RALGPS1: variants seen among roughly 807,000 people sequenced by gnomAD.
RALGPS1 encodes Ral GEF with PH domain and SH3 binding motif 1, also known as ras-specific guanine nucleotide-releasing factor RalGPS1.
A neutral mutation model predicts 78.8 loss-of-function variants in RALGPS1; 19 were observed. That is an observed-to-expected ratio of 0.24 (90% CI 0.17 to 0.35). The LOEUF is 0.35. Ranked by LOEUF, RALGPS1 falls within the 10% of genes least tolerant of loss-of-function variation. The pLI is 1.00. For missense variants in RALGPS1, 454 were observed against 688.3 expected, an observed-to-expected ratio of 0.66 and a Z score of 3.81; for synonymous variants, 228 against 256.3, an observed-to-expected ratio of 0.89 and a Z score of 1.06.
intron 1 of RALGPS1, among the ~76,000 whole-genome samples, chr9:126,924,754 G>GCCATCCAT (rs1403727612): frequency 3.9e-5 from 6 of 152,164 alleles, no homozygotes; most frequent in Non-Finnish European, 8.8e-5. Flanking sequence ...AGCCCATCTG[G>GCCATCCAT]CCATCCATCC....
Position 127,091,994 on chromosome 9 carries a change from C to G in RALGPS1, c.610+22638C>G. On this transcript the variant is annotated intron_variant, in intron 8 of 18. Transcript: ENST00000259351. This position sits in a 1 kb window ranked among gnomAD's most constrained non-coding sequence, Gnocchi z 4.3. Reference sequence around the variant, plus strand: ...TGGAGCCTGCAGCACCTGCAGCCAGCAGGCTTGGCTGTCAGACACTCAGCC... The same window carrying G: ...TGGAGCCTGCAGCACCTGCAGCCAGGAGGCTTGGCTGTCAGACACTCAGCC... 6.3e-7 allele frequency: 1 copy of G among 1,587,720 alleles called. No homozygotes were observed. Among genetic ancestry groups the G allele is most frequent in the Non-Finnish European group, 8.6e-7 (1 of 1,165,602 alleles).
At chr9:126,962,446 T>C (rs2038984433) in intron 2 of RALGPS1, 100 bp downstream of exon 2, 1 of 1,201,050 alleles carries the variant, frequency 8.3e-7, no homozygotes, top group Non-Finnish European at 1.2e-6. Flanking sequence ...TAGGGCTCTG[T>C]GAATACCACC....
chr9:127,058,568 A>C (rs1048510222), intron 7 of RALGPS1, among the ~76,000 whole-genome samples: 4 of 152,082 alleles, frequency 2.6e-5, no homozygotes, highest in Non-Finnish European at 4.4e-5. Flanking sequence ...TGAGATGTCG[A>C]GATGAAGAGA....
At chr9:126,963,425 T>C (rs867658212) in intron 2 of RALGPS1, among the ~76,000 whole-genome samples, 3 of 152,244 alleles carry the variant, frequency 2.0e-5, no homozygotes, top group Non-Finnish European at 4.4e-5. Flanking sequence ...TTCACACATA[T>C]ATGCTGTGTA....
At chr9:127,135,471 CAT>C (rs149239533) in intron 8 of RALGPS1, among the ~76,000 whole-genome samples, 3,885 of 152,320 alleles carry the variant, frequency 0.026, 162 homozygotes, top group African/African-American at 0.089. Flanking sequence ...GGGCCAGGGA[CAT>C]GTGCCCCTGT....
chr9:127,150,534 C>T (rs1302910147), intron 8 of RALGPS1, among the ~76,000 whole-genome samples: 1 of 152,232 alleles, frequency 6.6e-6, no homozygotes, highest in Non-Finnish European at 1.5e-5. Flanking sequence ...CAGGTGCAGC[C>T]TGTGCAGAGT....
intron 4 of RALGPS1, among the ~76,000 whole-genome samples, chr9:127,002,884 G>A (rs1348404955): frequency 6.6e-6 from 1 of 151,886 alleles, no homozygotes; most frequent in African/African-American, 2.4e-5. Flanking sequence ...CTTTGCTATT[G>A]TGAATAATGC....
At chr9:127,073,725 G>T (rs2050421743) in intron 8 of RALGPS1, among the ~76,000 whole-genome samples, 1 of 152,086 alleles carries the variant, frequency 6.6e-6, no homozygotes, top group African/African-American at 2.4e-5. Context: ...ACAGTGTGTA[G>T]TTCCCTTTTC....
At chr9:127,063,307 G>C (rs913280855) in intron 7 of RALGPS1, among the ~76,000 whole-genome samples, 9 of 152,166 alleles carry the variant, frequency 5.9e-5, no homozygotes, top group African/African-American at 2.2e-4. Context: ...CACTTCTTCA[G>C]ATATTTCTCC....
chr9:126,992,419 C>T (rs112223789), intron 4 of RALGPS1, among the ~76,000 whole-genome samples: 9 of 151,608 alleles, frequency 5.9e-5, no homozygotes, highest in African/African-American at 2.2e-4. Flanking sequence ...CTCTTCCACT[C>T]CTTCCACTGT....
chr9:126,967,813 C>T lies in RALGPS1; in HGVS notation c.165+1862C>T, dbSNP rs114666793. ...TCAGCCTCCCAAAGTGCTGGGATTG[C>T]AGGTGTGAGTCACCACTCCCAGCCT... On this transcript the variant is annotated intron_variant, in intron 3 of 18. Coordinates refer to ENST00000259351, the MANE Select transcript of RALGPS1 (RefSeq NM_014636.3). Among the ~76,000 whole-genome samples the T allele has an allele frequency of 4.6e-3, 703 of 152,212 alleles. 3 individuals are homozygous for T. Among genetic ancestry groups the T allele is most frequent in the African/African-American group, 0.016 (672 of 41,518 alleles).
chr9:127,078,380 T>C (rs2050868717), intron 8 of RALGPS1, among the ~76,000 whole-genome samples: 1 of 152,166 alleles, frequency 6.6e-6, no homozygotes, highest in Non-Finnish European at 1.5e-5. Context: ...TTAAAACCCA[T>C]TTTATGAATG....
intron 5 of RALGPS1, among the ~76,000 whole-genome samples, chr9:127,044,928 A>G (rs1427541676): frequency 6.6e-6 from 1 of 152,254 alleles, no homozygotes; most frequent in Non-Finnish European, 1.5e-5. Context: ...TCTTGCTAGC[A>G]TAAATCAAGT....
intron 14 of RALGPS1, chr9:127,210,457 A>C: frequency 1.8e-6 from 1 of 558,360 alleles, no homozygotes; most frequent in South Asian, 2.2e-5. Context: ...CTCAATAAAA[A>C]GTTGAAAGAA....
chr9:127,108,804 T>A, intron 8 of RALGPS1: 1 of 1,441,636 alleles, frequency 6.9e-7, no homozygotes, highest in Non-Finnish European at 9.3e-7. Context: ...GAGGGGAGAA[T>A]CAGTGATGGT....
At chr9:127,111,589 AG>A (rs1298627503) in intron 8 of RALGPS1, among the ~76,000 whole-genome samples, 1 of 152,222 alleles carries the variant, frequency 6.6e-6, no homozygotes, top group Non-Finnish European at 1.5e-5. Flanking sequence ...AGCTGCGCAG[AG>A]GAGGGCCTAT....
chr9:127,112,797 T>G (rs1450244321), intron 8 of RALGPS1, among the ~76,000 whole-genome samples: 2 of 152,238 alleles, frequency 1.3e-5, no homozygotes, highest in African/African-American at 4.8e-5. Context: ...ATGCTGGGTG[T>G]GGGCCAGGCA....
chr9:127,033,862 G>T (rs985357323), intron 4 of RALGPS1, among the ~76,000 whole-genome samples: 3 of 152,214 alleles, frequency 2.0e-5, no homozygotes, highest in Admixed American at 6.5e-5. Flanking sequence ...CTCTGAACAA[G>T]ATATTAAAGG....
chr9:127,217,250 T>C, intron 18 of RALGPS1: 1 of 1,199,994 alleles, frequency 8.3e-7, no homozygotes, highest in East Asian at 3.6e-5. Context: ...GGATTTTTCT[T>C]CCTACTTTCC....
Sources: allele counts gnomAD v4.1 joint callset (sites outside exome capture counted in the v4.1 genomes callset), GRCh38; gene constraint gnomAD v4.1.1; non-coding constraint Gnocchi (gnomAD v3.1); transcripts MANE v1.5; gene names NCBI Gene and HGNC (gene_info 2026-07-23, HGNC 2026-07-21).